Variants in RSF1 observed in about 807,000 individuals in gnomAD.
RSF1 encodes the protein remodeling and spacing factor 1.
In RSF1, 13 loss-of-function variants were observed where a neutral mutation model predicts 145.2. The ratio of observed to expected loss-of-function variants is 0.09; its 90% CI spans 0.06 to 0.14. The LOEUF is 0.14. RSF1 is among the 10% of genes least tolerant of loss of function. The probability of loss-of-function intolerance (pLI) is 1.00; values close to 1 mark genes in which losing one functional copy is unlikely to be tolerated. For synonymous variants in RSF1, 577 were observed against 592.6 expected (o/e 0.97, Z 0.38); for missense variants, 1,517 against 1,718.2 (o/e 0.88, Z 2.07).
At chr11:77,829,678 A>G in the RSF1 span, 1 of 152,246 alleles carries the variant, frequency 6.6e-6, no homozygotes. Context: ...TAAATCTTTA[A>G]GACCTTGGAT....
rs938260362 is a variant in RSF1 at position 77,660,187 on chromosome 11, T to C, written c.*6730A>G. 1 of 152,112 alleles carries C rather than the reference T, an allele frequency of 6.6e-6. No homozygotes were observed. The highest frequency in any genetic ancestry group is 1.5e-5 in the Non-Finnish European group (1 of 67,990). 9.4% of individuals were successfully genotyped at this position (152,112 alleles called of 1,614,324 possible). ...TCAGACTGTAGTGAGACACTGAACA[T>C]TTCATTAACAAAAATACTGGCACCA... is the stretch of plus-strand genomic sequence containing the variant. On this transcript the variant is annotated 3_prime_UTR_variant, in exon 16 of 16. Transcript: ENST00000308488.
At chr11:77,755,738 C>T (rs1948109190) in intron 2 of RSF1, among the ~76,000 whole-genome samples, 1 of 152,038 alleles carries the variant, frequency 6.6e-6, no homozygotes, top group African/African-American at 2.4e-5. Context: ...CGCCACCATG[C>T]CTGGCTAATT....
At chr11:77,809,874 C>T (rs1040395695) in intron 1 of RSF1, among the ~76,000 whole-genome samples, 2 of 152,186 alleles carry the variant, frequency 1.3e-5, no homozygotes, top group Non-Finnish European at 2.9e-5. Context: ...ACACTTTTAA[C>T]ATCTAAACAT....
At chr11:77,862,260 A>G in the RSF1 span, among the ~76,000 whole-genome samples, 2 of 152,190 alleles carry the variant, frequency 1.3e-5, no homozygotes, top group South Asian at 2.1e-4. Context: ...GAGATCGCCA[A>G]ACTCTCGGGC....
At chr11:77,764,780 G>T in intron 1 of RSF1, 91 bp from the exon 2 acceptor site, 1 of 811,802 alleles carries the variant, frequency 1.2e-6, no homozygotes, top group Non-Finnish European at 2.0e-6. Context: ...CTCCAACCCT[G>T]GATACCTTCT....
rs1959291471 is a variant in RSF1, at chr11:77,663,731, A to G, written c.*3186T>C. The stretch of plus-strand genomic sequence containing the variant: ...ATCAGCACTGATGTACAAAACCAAA[A>G]CGTTTTCAGTCTGCGTCCTTTTCAC... On this transcript the variant is annotated 3_prime_UTR_variant, in exon 16 of 16. Transcript: ENST00000308488. 1 of 152,190 alleles carries G rather than the reference A, an allele frequency of 6.6e-6. No individual in the cohort carries two copies. The highest frequency in any genetic ancestry group is 1.5e-5 in the Non-Finnish European group (1 of 68,028). 9.4% of individuals were successfully genotyped at this position (152,190 alleles called of 1,614,324 possible). A position where few individuals can be genotyped will look rare whatever the true frequency, so the allele number is the denominator to read the frequency against.
the RSF1 span, among the ~76,000 whole-genome samples, chr11:77,856,579 G>C: frequency 6.6e-6 from 1 of 152,114 alleles, no homozygotes; most frequent in Admixed American, 6.5e-5. Flanking sequence ...ATTGGCTCAC[G>C]GTTCCACAGG....
chr11:77,806,261 T>C (rs1184942152), intron 1 of RSF1, among the ~76,000 whole-genome samples: 1 of 151,936 alleles, frequency 6.6e-6, no homozygotes, highest in African/African-American at 2.4e-5. Context: ...AACGGAATAA[T>C]GACTTTTCCC....
chr11:77,743,641 C>A (rs995712862), intron 3 of RSF1, among the ~76,000 whole-genome samples: 1 of 152,096 alleles, frequency 6.6e-6, no homozygotes, highest in Non-Finnish European at 1.5e-5. Context: ...ATTTTTTATA[C>A]ATAAAATCAT....
intron 5 of RSF1, among the ~76,000 whole-genome samples, chr11:77,717,096 T>A (rs1209334742): frequency 6.7e-6 from 1 of 149,914 alleles, no homozygotes; most frequent in Non-Finnish European, 1.5e-5. Flanking sequence ...AAGGATCACT[T>A]GAGCCCAGGA....
rs1959248235 is a variant in RSF1 at position 77,662,277 on chromosome 11, A to C, written c.*4640T>G. ...TGATGTGCCAGAATTGGGTTTACTG[A>C]ATTTTCCAAAGTGGTATAAATATGA... is the stretch of plus-strand genomic sequence containing the variant. On this transcript the variant is annotated 3_prime_UTR_variant, in exon 16 of 16. Transcript: ENST00000308488. 1 of 152,054 alleles carries C rather than the reference A, an allele frequency of 6.6e-6. No individual in the cohort carries two copies. The highest frequency in any genetic ancestry group is 2.4e-5 in the African/African-American group (1 of 41,404). 9.4% of individuals were successfully genotyped at this position (152,054 alleles called of 1,614,324 possible). A position where few individuals can be genotyped will look rare whatever the true frequency, so the allele number is the denominator to read the frequency against.
At chr11:77,756,573 C>A (rs1015547782) in intron 2 of RSF1, among the ~76,000 whole-genome samples, 1 of 152,018 alleles carries the variant, frequency 6.6e-6, no homozygotes, top group African/African-American at 2.4e-5. Context: ...GTGAAGAAGA[C>A]AACCTGTCAT....
At chr11:77,867,518 G>A in the RSF1 span, among the ~76,000 whole-genome samples, 2 of 152,176 alleles carry the variant, frequency 1.3e-5, no homozygotes, top group Non-Finnish European at 2.9e-5. Flanking sequence ...TATTGCTACT[G>A]CTTAGAAATA....
At chr11:77,836,000 GA>G in the RSF1 span, among the ~76,000 whole-genome samples, 1 of 152,256 alleles carries the variant, frequency 6.6e-6, no homozygotes, top group East Asian at 1.9e-4. Flanking sequence ...GACAGACTTG[GA>G]TTCAAATTCT....
chr11:77,771,147 C>T (rs141897775), intron 1 of RSF1, among the ~76,000 whole-genome samples: 4 of 152,280 alleles, frequency 2.6e-5, no homozygotes, highest in East Asian at 1.9e-4. Context: ...GAAAGAATGA[C>T]GTGACAGTAC....
chr11:77,755,396 C>A (rs566922723), intron 2 of RSF1, among the ~76,000 whole-genome samples: 3 of 152,128 alleles, frequency 2.0e-5, no homozygotes, highest in Admixed American at 2.0e-4. Flanking sequence ...TTGGCTTGAA[C>A]AAACAGGAAA....
Position 77,693,631 on chromosome 11 carries a change from G to A in RSF1, c.2716-20C>T, listed in dbSNP as rs373272333. ...AAGAATCTGAAATAACCACACTGAT[G>A]TCAACCTAACTATGACTAAAATTCA... On this transcript the variant is annotated intron_variant, in intron 7 of 15. Coordinates refer to ENST00000308488, the MANE Select transcript of RSF1 (RefSeq NM_016578.4). 4 of 1,558,922 alleles carry A rather than the reference G, an allele frequency of 2.6e-6. No individual in the cohort carries two copies. The African/African-American group carries it at 4.1e-5, about 16-fold the overall frequency.
At chr11:77,825,698 GT>G (rs1250441260), upstream of RSF1, among the ~76,000 whole-genome samples, 67 of 139,248 alleles carry the variant, frequency 4.8e-4, no homozygotes, top group East Asian at 8.4e-4. Context: ...CATTTTTTTT[GT>G]TTTTTTTTTT....
In RSF1 at chr11:77,781,169, C is replaced by T. The variant is rs962074255; in HGVS notation, c.188-16480G>A. ...AGGCTGGAGTGCAGTGGCTCGATTT[C>T]GGCTCATTGCAACCTTCACCTCCTG... On this transcript the variant is annotated intron_variant, in intron 1 of 15. Transcript: ENST00000308488. Among the ~76,000 whole-genome samples, 21 of 151,754 alleles carry T rather than the reference C, an allele frequency of 1.4e-4. 1 individual carries two copies. The highest frequency in any genetic ancestry group is 9.2e-4 in the Admixed American group (14 of 15,240).
Sources: gnomAD v4.1 joint callset for allele counts (sites outside exome capture counted in the v4.1 genomes callset) on GRCh38, gnomAD v4.1.1 for gene constraint, MANE v1.5 for transcripts, NCBI Gene and HGNC (gene_info 2026-07-23, HGNC 2026-07-21) for gene names.